Variants in ANKRD28 observed in about 807,000 individuals in gnomAD.
ANKRD28 encodes the protein ankyrin repeat domain 28.
ANKRD28 carries 44 observed loss-of-function variants against 126.5 expected under a neutral mutation model. That is an observed-to-expected ratio of 0.35 (90% CI 0.27 to 0.45). The LOEUF is 0.45. Among genes scored for constraint, ANKRD28 ranks in the 20% least tolerant of loss-of-function variants. The pLI is 1.00. For missense variants in ANKRD28, 1,110 were observed against 1,316.6 expected (o/e 0.84, Z 2.43); for synonymous variants, 442 against 468.5 (o/e 0.94, Z 0.73).
At chr3:15,754,420 T>A (rs1169764373) in intron 3 of ANKRD28, among the ~76,000 whole-genome samples, 1 of 152,132 alleles carries the variant, frequency 6.6e-6, no homozygotes, top group Non-Finnish European at 1.5e-5. Context: ...AGAGTAGTGA[T>A]GCTGGAAATT....
intron 1 of ANKRD28, among the ~76,000 whole-genome samples, chr3:15,855,968 C>T (rs2061756131): frequency 6.6e-6 from 1 of 152,202 alleles, no homozygotes; most frequent in Non-Finnish European, 1.5e-5. Context: ...GTTTTGACCA[C>T]ACTGGCTGTT....
At chr3:15,836,973 G>A (rs746239560) in intron 1 of ANKRD28, among the ~76,000 whole-genome samples, 5 of 151,874 alleles carry the variant, frequency 3.3e-5, no homozygotes, top group East Asian at 1.9e-4. Context: ...GGTGGCGGGC[G>A]CCTGTAGTCC....
At chr3:15,704,060 G>C (rs2071001785) in intron 14 of ANKRD28, among the ~76,000 whole-genome samples, 1 of 152,100 alleles carries the variant, frequency 6.6e-6, no homozygotes, top group South Asian at 2.1e-4. Flanking sequence ...GTGTGGAGAA[G>C]ACCCACATGA....
intron 23 of ANKRD28, 124 bp from the exon 24 acceptor site, chr3:15,678,478 T>C: frequency 1.2e-6 from 1 of 819,720 alleles, no homozygotes; most frequent in Non-Finnish European, 1.8e-6. Flanking sequence ...AAGCACTGCC[T>C]GTACACAAAC....
chr3:15,786,903 T>TA (rs1164371623), intron 2 of ANKRD28, among the ~76,000 whole-genome samples: 1 of 152,120 alleles, frequency 6.6e-6, no homozygotes, highest in Non-Finnish European at 1.5e-5. Context: ...AGAGGAAAGG[T>TA]AGTCTATGAA....
At chr3:15,698,860 T>G (rs367726041) in intron 14 of ANKRD28, among the ~76,000 whole-genome samples, 1 of 152,278 alleles carries the variant, frequency 6.6e-6, no homozygotes, top group East Asian at 1.9e-4. Flanking sequence ...AAGCTACCAA[T>G]GACTTTCTTC....
At chr3:15,673,979 C>T (rs6786338) in intron 27 of ANKRD28, among the ~76,000 whole-genome samples, 1,924 of 151,348 alleles carry the variant, frequency 0.013, 45 homozygotes, top group African/African-American at 0.044. Context: ...AGTTCAAGAC[C>T]GGCCTGGACA....
At chr3:15,690,786 C>T (rs182340690) in intron 17 of ANKRD28, among the ~76,000 whole-genome samples, 146 of 152,138 alleles carry the variant, frequency 9.6e-4, no homozygotes, top group African/African-American at 2.4e-3. Flanking sequence ...CCGGGCTGGT[C>T]TCAAAATTCC....
intron 6 of ANKRD28, among the ~76,000 whole-genome samples, chr3:15,728,143 G>A (rs867482006): frequency 2.4e-4 from 36 of 151,008 alleles, no homozygotes; most frequent in African/African-American, 7.8e-4. Context: ...AGGCTCATAC[G>A]ATAGTTAGCA....
At chr3:15,844,892 T>C (rs1383048709) in intron 1 of ANKRD28, among the ~76,000 whole-genome samples, 1 of 152,216 alleles carries the variant, frequency 6.6e-6, no homozygotes, top group Non-Finnish European at 1.5e-5. Context: ...AGAGGTTTAA[T>C]TGGCTCACAG....
intron 14 of ANKRD28, among the ~76,000 whole-genome samples, chr3:15,698,673 C>A (rs1235958524): frequency 2.0e-5 from 3 of 152,114 alleles, no homozygotes; most frequent in African/African-American, 7.2e-5. Context: ...CCTAGGAATC[C>A]AACTTACAGG....
intron 4 of ANKRD28, among the ~76,000 whole-genome samples, chr3:15,747,778 T>G (rs2057579170): frequency 6.6e-6 from 1 of 152,202 alleles, no homozygotes; most frequent in Non-Finnish European, 1.5e-5. Context: ...ATCTGTCTAG[T>G]GCTGTTAATG....
At chr3:15,703,510 T>C (rs1201828979) in intron 14 of ANKRD28, among the ~76,000 whole-genome samples, 1 of 152,226 alleles carries the variant, frequency 6.6e-6, no homozygotes, top group Non-Finnish European at 1.5e-5. Context: ...TCATTCCTTC[T>C]ACCATGTGAG....
intron 2 of ANKRD28, chr3:15,781,352 G>C (rs1475022222): frequency 2.0e-5 from 3 of 151,964 alleles, no homozygotes; most frequent in Non-Finnish European, 4.4e-5. Flanking sequence ...GGACTGAGTG[G>C]GGAAGATCTG....
intron 4 of ANKRD28, chr3:15,738,617 T>G (rs959132235): frequency 1.3e-5 from 2 of 152,158 alleles, no homozygotes; most frequent in African/African-American, 4.8e-5. Flanking sequence ...GCTATGCCGA[T>G]CGGGTGTCCG....
chr3:15,740,261 G>A (rs2075355260), intron 4 of ANKRD28, among the ~76,000 whole-genome samples: 1 of 152,154 alleles, frequency 6.6e-6, no homozygotes, highest in Non-Finnish European at 1.5e-5. Flanking sequence ...GGAACTTGCT[G>A]GGGTAACAGA....
intron 18 of ANKRD28, 142 bp downstream of exon 18, chr3:15,689,877 G>T: frequency 2.9e-6 from 2 of 682,796 alleles, no homozygotes; most frequent in Non-Finnish European, 4.8e-6. Flanking sequence ...GTTATTTGGT[G>T]AGGTCAAATA....
intron 14 of ANKRD28, among the ~76,000 whole-genome samples, chr3:15,706,709 G>C (rs1371748985): frequency 6.6e-6 from 1 of 152,172 alleles, no homozygotes; most frequent in Non-Finnish European, 1.5e-5. Context: ...CCCACCAACA[G>C]TATAAAAGTG....
intron 26 of ANKRD28, 189 bp from the exon 27 acceptor site, chr3:15,676,178 T>C (rs2125647446): frequency 2.4e-6 from 1 of 417,736 alleles, no homozygotes; most frequent in Non-Finnish European, 4.3e-6. Context: ...CTGTCACACC[T>C]TGTCAACGTG....
Sources: gnomAD v4.1 joint callset for allele counts (sites outside exome capture counted in the v4.1 genomes callset) on GRCh38, gnomAD v4.1.1 for gene constraint, MANE v1.5 for transcripts, NCBI Gene and HGNC (gene_info 2026-07-23, HGNC 2026-07-21) for gene names.